Variants in VWF observed in about 807,000 individuals in gnomAD.
VWF encodes the protein von Willebrand factor, also known as Factor VIII related antigen.
VWF carries 176 observed loss-of-function variants against 308.6 expected under a neutral mutation model. That is an observed-to-expected ratio of 0.57 (90% CI 0.50 to 0.65). The LOEUF is 0.65. Among genes scored for constraint, VWF ranks in the 30% least tolerant of loss-of-function variants. VWF has a pLI of 0.00. For synonymous variants in VWF, 1,385 were observed against 1,443.4 expected, an observed-to-expected ratio of 0.96 and a Z score of 0.92; for missense variants, 3,146 against 3,648.2, an observed-to-expected ratio of 0.86 and a Z score of 3.55.
At chr12:6,113,515 C>T (rs1312142084) in intron 3 of VWF, among the ~76,000 whole-genome samples, 1 of 152,108 alleles carries the variant, frequency 6.6e-6, no homozygotes, top group Non-Finnish European at 1.5e-5. Context: ...AGGATGGTCT[C>T]GATCTCCTGA....
At chr12:5,988,332 C>T (rs1460357103) in intron 38 of VWF, among the ~76,000 whole-genome samples, 1 of 152,132 alleles carries the variant, frequency 6.6e-6, no homozygotes, top group Non-Finnish European at 1.5e-5. Context: ...AGAAAAGACA[C>T]AGCGGCTGCC....
chr12:6,091,003 T>A lies in VWF; in HGVS notation c.657+4457A>T, dbSNP rs113190022. On this transcript the variant is annotated intron_variant, in intron 6 of 51. Transcript: ENST00000261405. ...GTGCTAGAACTCAGTCCGCCTTTGTTAGTGCCGGTACTGGGCTAGGATCCA... is the reference window on the plus strand; with the variant it reads ...GTGCTAGAACTCAGTCCGCCTTTGTAAGTGCCGGTACTGGGCTAGGATCCA... Among the ~76,000 whole-genome samples the A allele has an allele frequency of 5.3e-5, 8 of 152,308 alleles. 1 individual carries two copies. Among genetic ancestry groups the A allele is most frequent in the African/African-American group, 1.9e-4 (8 of 41,564 alleles).
intron 47 of VWF, among the ~76,000 whole-genome samples, chr12:5,958,309 C>T (rs190334596): frequency 2.0e-5 from 3 of 152,248 alleles, no homozygotes; most frequent in Non-Finnish European, 2.9e-5. Flanking sequence ...TTTCAAGAGA[C>T]GCACTTTTAA....
At chr12:6,056,112 T>C (rs190906543) in intron 15 of VWF, among the ~76,000 whole-genome samples, 58 of 149,280 alleles carry the variant, frequency 3.9e-4, no homozygotes, top group Non-Finnish European at 6.5e-4. Flanking sequence ...CTTCCTTGGT[T>C]TTCCCTGCCC....
chr12:6,062,908 G>T, intron 13 of VWF, 46 bp downstream of exon 13: 4 of 1,517,678 alleles, frequency 2.6e-6, no homozygotes, highest in Admixed American at 3.5e-5. Flanking sequence ...GGGGTACTTT[G>T]TAAGGGTCGG....
chr12:5,980,091 A>AAAGGAAGGAAGGAAGG (rs199720992), intron 42 of VWF, among the ~76,000 whole-genome samples: 22 of 74,842 alleles, frequency 2.9e-4, no homozygotes, highest in African/African-American at 6.2e-4. Flanking sequence ...GAAAAGAAAG[A>AAAGGAAGGAAGGAAGG]AAGGAAGGAA....
Position 5,981,903 on chromosome 12 carries a change from A to C in VWF, c.7170T>G (p.Asp2390Glu). The C allele has an allele frequency of 6.2e-7, 1 of 1,613,624 alleles. No homozygotes were observed. Among genetic ancestry groups the C allele is most frequent in the Admixed American group, 1.7e-5 (1 of 59,966 alleles). ...CACAGTTGCAGGCACACTCATACTC[A>C]TCACAGCACTGGGTCTTCCGAAGGG... ...LPTLRKTQCC[D>E]EYECACNCVN... is the part of the protein sequence containing the mutation. The change falls in exon 42 of 52, where the codon GAT (aspartate) becomes GAG (glutamate). Residue 2390 changes from aspartate (D) to glutamate (E), a missense_variant. Physicochemically the swap from Asp to Glu is conservative, Grantham distance 45. Around this residue, in one of 3 missense-constraint regions of VWF, gnomAD observed 989 missense variants for 1,117.4 expected, o/e 0.89. Transcript: ENST00000261405.
At chr12:6,034,874 A>T (rs1565838180) in intron 19 of VWF, 48 bp from the exon 20 acceptor site, 1 of 1,610,312 alleles carries the variant, frequency 6.2e-7, no homozygotes, top group African/African-American at 1.3e-5. Flanking sequence ...CTTGGGTTTG[A>T]GGGGCCCATC....
intron 34 of VWF, 131 bp from the exon 35 acceptor site, chr12:5,996,353 CAT>C: frequency 1.2e-6 from 1 of 808,660 alleles, no homozygotes; most frequent in Non-Finnish European, 2.1e-6. Flanking sequence ...CCTTTGAGGT[CAT>C]ATAGAACAAT....
chr12:6,090,620 C>T (rs374495204), intron 6 of VWF, among the ~76,000 whole-genome samples: 672 of 96,170 alleles, frequency 7.0e-3, no homozygotes, highest in African/African-American at 0.02. Flanking sequence ...TCCTCCTCCT[C>T]CTCCTCCTTC....
chr12:6,028,177 C>A (rs1944216928), intron 22 of VWF, among the ~76,000 whole-genome samples: 1 of 152,156 alleles, frequency 6.6e-6, no homozygotes, highest in African/African-American at 2.4e-5. Context: ...AGAAATCATG[C>A]AAGTTCCAAC....
intron 21 of VWF, among the ~76,000 whole-genome samples, chr12:6,031,230 G>A (rs1004983866): frequency 1.3e-5 from 2 of 152,180 alleles, no homozygotes; most frequent in African/African-American, 2.4e-5. Flanking sequence ...CTGCACTGTC[G>A]CTAAAATGGG....
At chr12:6,076,725 C>T (rs2239154) in intron 6 of VWF, among the ~76,000 whole-genome samples, 60,269 of 152,064 alleles carry the variant, frequency 0.4, 12,505 homozygotes, top group Non-Finnish European at 0.46. Flanking sequence ...AGGAAAGAAA[C>T]GACCCGTTTT....
Position 5,967,573 on chromosome 12 carries a change from G to A in VWF, c.7800C>T (p.Cys2600=), listed in dbSNP as rs200209213. 116 of 1,614,022 alleles carry A rather than the reference G, an allele frequency of 7.2e-5. No homozygotes were observed. The East Asian group carries it at 2.0e-3, about 28-fold the overall frequency. The part of the protein sequence containing the change: ...GPGKTVMIDV[C]TTCRCMVQVG... ...CCTGCACCATGCAGCGGCAGGTCGT[G>A]CACACATCGATCATCACAGTCTTCC... The change falls in exon 47 of 52, where the codon TGC becomes TGT. Residue 2600 remains cysteine, a synonymous_variant. Coordinates refer to ENST00000261405, the MANE Select transcript of VWF (RefSeq NM_000552.5).
At position 6,108,294 on chromosome 12, in the gene VWF, TA is replaced by T. The variant is rs755454409; in HGVS notation, c.532+2079del. Reference sequence around the variant, plus strand: ...GGGTGACAGAGCAAGACTCTGTCTTTAAAAAAAAAAAAAAAGAAAGAAAGAA... The same window carrying T: ...GGGTGACAGAGCAAGACTCTGTCTTTAAAAAAAAAAAAAAGAAAGAAAGAA... On this transcript the variant is annotated intron_variant, in intron 5 of 51. Coordinates refer to ENST00000261405, the MANE Select transcript of VWF (RefSeq NM_000552.5). 2.6e-3 allele frequency among the ~76,000 whole-genome samples: 296 copies of T among 114,488 alleles called. 1 individual carries two copies. The highest frequency in any genetic ancestry group is 4.7e-3 in the Middle Eastern group (1 of 212). 75.1% of individuals were successfully genotyped at this position (114,488 alleles called of 152,430 possible).
At chr12:5,985,515 G>T in intron 39 of VWF, 48 bp downstream of exon 39, 3 of 1,585,560 alleles carry the variant, frequency 1.9e-6, no homozygotes, top group Middle Eastern at 1.7e-4. Flanking sequence ...GGGCCTTGCA[G>T]GGGCCCTTGT....
chr12:6,056,933 G>A lies in VWF; in HGVS notation c.1869C>T (p.Cys623=), dbSNP rs61754017. 1.0e-5 allele frequency: 16 copies of A among 1,535,116 alleles called. No homozygotes were observed. The highest frequency in any genetic ancestry group is 9.8e-5 in the Admixed American group (5 of 50,904). Residue 623 remains cysteine, a synonymous_variant, in exon 15 of 52, where the codon TGC becomes TGT. Transcript: ENST00000261405. ...CSCSDGRECL[C]GALASYAAAC... Reference sequence around the variant, plus strand: ...CCGCGGCATAGCTGGCCAGGGCGCCGCACAGGCACTCGCGGCCGTCCGAGC... The same window carrying A: ...CCGCGGCATAGCTGGCCAGGGCGCCACACAGGCACTCGCGGCCGTCCGAGC...
chr12:6,080,024 C>T (rs1230284669), intron 6 of VWF, among the ~76,000 whole-genome samples: 1 of 152,120 alleles, frequency 6.6e-6, no homozygotes, highest in Non-Finnish European at 1.5e-5. Context: ...GCATTTCCCC[C>T]TTCTTTGGCC....
chr12:6,011,229 A>T (rs1260326947), intron 34 of VWF, among the ~76,000 whole-genome samples: 3 of 152,154 alleles, frequency 2.0e-5, no homozygotes, highest in Non-Finnish European at 4.4e-5. Flanking sequence ...CTGTTGCTAT[A>T]GGTGTGGTTG....
Sources: allele counts gnomAD v4.1 joint callset (sites outside exome capture counted in the v4.1 genomes callset), GRCh38; gene constraint gnomAD v4.1.1; regional missense constraint gnomAD v4.1.1; transcripts MANE v1.5; gene names NCBI Gene and HGNC (gene_info 2026-07-23, HGNC 2026-07-21).